Variants in CTTNBP2 observed in about 807,000 individuals in gnomAD.
CTTNBP2 encodes cortactin-binding protein 2.
CTTNBP2 carries 108 observed loss-of-function variants against 156.9 expected under a neutral mutation model. The ratio of observed to expected loss-of-function variants is 0.69; its 90% confidence interval spans 0.59 to 0.81. CTTNBP2 has a LOEUF of 0.81. Ranked by LOEUF, CTTNBP2 falls within the 30% of genes least tolerant of loss-of-function variation. The pLI is 0.00. For synonymous variants in CTTNBP2, 767 were observed against 751.8 expected, an observed-to-expected ratio of 1.02 and a Z score of -0.33; for missense variants, 1,924 against 2,035.4, an observed-to-expected ratio of 0.95 and a Z score of 1.05.
chr7:117,719,629 CT>C lies in CTTNBP2; in HGVS notation c.4518del (p.Glu1507ArgfsTer6), dbSNP rs775949032. The C allele has an allele frequency of 6.2e-7, 1 of 1,611,860 alleles. No homozygotes were observed. The highest frequency in any genetic ancestry group is 8.5e-7 in the Non-Finnish European group (1 of 1,179,064). On this transcript the variant is annotated frameshift_variant, in exon 21 of 23. Transcript: ENST00000160373. LOFTEE classifies it high-confidence loss of function. Reference protein sequence around the residue: ...RNASLSKQKSLENDLSLTLNL... With the variant: ...RNASLSKQKSXENDLSLTLNL... ...TTCAACGTCAGTGATAGATCATTCTCTAAAGACCTAACACAAAGTTCAGAAA... is the reference window on the plus strand; with the variant it reads ...TTCAACGTCAGTGATAGATCATTCTCAAAGACCTAACACAAAGTTCAGAAA...
rs1795212454 is a variant in CTTNBP2 at position 117,728,256 on chromosome 7, C to T, written c.3888G>A (p.Gln1296=). Residue 1296 remains glutamine (Q), a synonymous_variant, in exon 17 of 23, where the codon CAG becomes CAA. Transcript: ENST00000160373. ...RRKVVNKFKG[Q]APSPCDPVCK... is the part of the protein sequence containing the mutation. ...ACACAGGATCGCAGGGGGAGGGCGC[C>T]TGACCTTTGAACTAGAGAGACAGGG... is the stretch of plus-strand genomic sequence containing the variant. The T allele has an allele frequency of 1.2e-6, 2 of 1,613,026 alleles. No homozygotes were observed. The highest frequency in any genetic ancestry group is 2.7e-5 in the African/African-American group (2 of 74,874).
chr7:117,774,435 A>G (rs1363511005), intron 8 of CTTNBP2, among the ~76,000 whole-genome samples: 1 of 152,152 alleles, frequency 6.6e-6, no homozygotes, highest in East Asian at 1.9e-4. Context: ...TAGGAACCAG[A>G]CCGCACAGGA....
chr7:117,797,476 T>C (rs1195424019), intron 3 of CTTNBP2, among the ~76,000 whole-genome samples: 1 of 152,046 alleles, frequency 6.6e-6, no homozygotes, highest in Non-Finnish European at 1.5e-5. Flanking sequence ...AGAAAAGTAG[T>C]CAATAAAAAC....
At chr7:117,847,859 G>C (rs532777012) in intron 2 of CTTNBP2, among the ~76,000 whole-genome samples, 1 of 112,474 alleles carries the variant, frequency 8.9e-6, no homozygotes, top group South Asian at 2.8e-4. Context: ...TTGAGACAGA[G>C]TCTTGCCGGA....
At chr7:117,773,055 A>G (rs896398976) in intron 8 of CTTNBP2, among the ~76,000 whole-genome samples, 18 of 152,232 alleles carry the variant, frequency 1.2e-4, no homozygotes, top group Admixed American at 1.3e-4. Flanking sequence ...GATAATCAAA[A>G]GCATTACAAT....
At chr7:117,735,982 A>G (rs1795666571) in intron 14 of CTTNBP2, among the ~76,000 whole-genome samples, 1 of 152,214 alleles carries the variant, frequency 6.6e-6, no homozygotes, top group Non-Finnish European at 1.5e-5. Flanking sequence ...TCACATTCTG[A>G]GAGCTGAGAA....
chr7:117,779,651 A>C (rs1367100688), intron 7 of CTTNBP2, among the ~76,000 whole-genome samples: 1 of 151,908 alleles, frequency 6.6e-6, no homozygotes, highest in Admixed American at 6.6e-5. Flanking sequence ...ATTTTCAAAA[A>C]ATAGGAAGTT....
intron 9 of CTTNBP2, among the ~76,000 whole-genome samples, chr7:117,766,493 G>A (rs1016801107): frequency 3.9e-5 from 6 of 152,152 alleles, no homozygotes; most frequent in African/African-American, 1.4e-4. Flanking sequence ...TGATACAGCT[G>A]GCTGACTGGA....
At chr7:117,760,977 G>A (rs1797182425) in intron 9 of CTTNBP2, among the ~76,000 whole-genome samples, 1 of 151,774 alleles carries the variant, frequency 6.6e-6, no homozygotes, top group East Asian at 1.9e-4. Context: ...TTTCCCATCA[G>A]CAAGATTGTC....
At chr7:117,849,827 A>T (rs1802825687) in intron 2 of CTTNBP2, among the ~76,000 whole-genome samples, 1 of 152,160 alleles carries the variant, frequency 6.6e-6, no homozygotes, top group Admixed American at 6.5e-5. Flanking sequence ...CTGCATTCTA[A>T]TTAGTAGCTA....
rs1456186329 is a variant in CTTNBP2 at position 117,791,118 on chromosome 7, A to AT, written c.2068+9dup. On this transcript the variant is annotated intron_variant, in intron 4 of 22. Transcript: ENST00000160373. ...TCTTTAAAAAGCGTATAACATTTCA[A>AT]TCCCTTTACCTGATGCTGTTACCAG... The AT allele has an allele frequency of 6.2e-7, 1 of 1,602,722 alleles. No individual in the cohort carries two copies. Among genetic ancestry groups the AT allele is most frequent in the South Asian group, 1.1e-5 (1 of 89,978 alleles).
At position 117,718,060 on chromosome 7, in the gene CTTNBP2, A is replaced by C. The variant is rs1489719939; in HGVS notation, c.4704T>G (p.Leu1568=). 6.2e-7 allele frequency: 1 copy of C among 1,613,336 alleles called. No homozygotes were observed. The highest frequency in any genetic ancestry group is 8.5e-7 in the Non-Finnish European group (1 of 1,179,334). The change falls in exon 22 of 23, where the codon CTT becomes CTG. Residue 1568 remains leucine (L), a synonymous_variant. Coordinates refer to ENST00000160373, the MANE Select transcript of CTTNBP2 (RefSeq NM_033427.3). Reference sequence around the variant, plus strand: ...TTCTCAGATTATTAATAGTTGCTGAAAGTACAGGGTTGTTTCCAGAACTAT... The same window carrying C: ...TTCTCAGATTATTAATAGTTGCTGACAGTACAGGGTTGTTTCCAGAACTAT... ...MFDSSGNNPV[L]SATINNLRMP... is the part of the protein sequence containing the mutation.
chr7:117,727,362 A>AT (rs891661126), intron 17 of CTTNBP2, among the ~76,000 whole-genome samples: 77 of 148,656 alleles, frequency 5.2e-4, no homozygotes, highest in South Asian at 4.9e-3. Context: ...TGCCTGGCTA[A>AT]TTTTTTTTTT....
chr7:117,796,671 T>G (rs1045076244), intron 3 of CTTNBP2, among the ~76,000 whole-genome samples: 4 of 152,224 alleles, frequency 2.6e-5, no homozygotes, highest in African/African-American at 9.6e-5. Context: ...AGTTTTCAAT[T>G]CATAACACAA....
intron 2 of CTTNBP2, among the ~76,000 whole-genome samples, chr7:117,840,153 T>A (rs1310716755): frequency 6.6e-6 from 1 of 152,108 alleles, no homozygotes; most frequent in Non-Finnish European, 1.5e-5. Context: ...TAACTGAGCA[T>A]CACAGTTTTA....
chr7:117,714,291 C>T (rs1794221081), intron 22 of CTTNBP2: 1 of 152,188 alleles, frequency 6.6e-6, no homozygotes, highest in Non-Finnish European at 1.5e-5. Flanking sequence ...CTCATTTTTC[C>T]TAACAAGAAA....
rs34865552 is a variant in CTTNBP2, at chr7:117,717,033, T to C, written c.4746+985A>G. 5.5e-3 allele frequency among the ~76,000 whole-genome samples: 840 copies of C among 152,160 alleles called. 9 individuals are homozygous for C. The highest frequency in any genetic ancestry group is 0.025 in the South Asian group (119 of 4,830). On this transcript the variant is annotated intron_variant, in intron 22 of 22. Coordinates refer to ENST00000160373, the MANE Select transcript of CTTNBP2 (RefSeq NM_033427.3). ...CTTACAATCAATCAACATGGTTTGG[T>C]GAACAAACCATATATTACAAAGTGC... is the stretch of plus-strand genomic sequence containing the variant.
chr7:117,791,326 C>T lies in CTTNBP2; in HGVS notation c.1870G>A (p.Ala624Thr), dbSNP rs1585010851. The T allele has an allele frequency of 6.2e-6, 10 of 1,614,146 alleles. No individual in the cohort carries two copies. The highest frequency in any genetic ancestry group is 1.1e-5 in the South Asian group (1 of 91,072). ...GCCAGGGCTGAAACGGCACAGCCTGCAGGTGCCACAGTTAAATCTATGGAT... is the reference window on the plus strand; with the variant it reads ...GCCAGGGCTGAAACGGCACAGCCTGTAGGTGCCACAGTTAAATCTATGGAT... ...KPSIDLTVAP[A>T]GCAVSALATS... Residue 624 changes from alanine to threonine, a missense_variant, in exon 4 of 23, where the codon GCA becomes ACA. Ala to Thr is a moderately conservative substitution (Grantham distance 58). Coordinates refer to ENST00000160373, the MANE Select transcript of CTTNBP2 (RefSeq NM_033427.3).
chr7:117,726,472 T>C (rs1176719499), intron 17 of CTTNBP2, among the ~76,000 whole-genome samples: 3 of 152,110 alleles, frequency 2.0e-5, no homozygotes, highest in Non-Finnish European at 2.9e-5. Flanking sequence ...AGTATAAATA[T>C]GATAAGCTGT....
Sources: allele counts gnomAD v4.1 joint callset (sites outside exome capture counted in the v4.1 genomes callset), GRCh38; gene constraint gnomAD v4.1.1; transcripts MANE v1.5; gene names NCBI Gene and HGNC (gene_info 2026-07-23, HGNC 2026-07-21).